The following PTGER3 variants were observed in gnomAD, a reference collection of about 807,000 sequenced individuals.
The protein encoded by PTGER3 is prostaglandin E2 receptor EP3 subtype.
In PTGER3, 22 loss-of-function variants were observed where a neutral mutation model predicts 34.7. That is an observed-to-expected ratio of 0.63 (90% CI 0.45 to 0.91). The LOEUF is 0.91. Ranked by LOEUF, PTGER3 falls within the 40% of genes least tolerant of loss-of-function variation. PTGER3 has a pLI of 0.00. For synonymous variants in PTGER3, 241 were observed against 230.1 expected (o/e 1.05, Z -0.43); for missense variants, 468 against 519.4 (o/e 0.90, Z 0.96).
chr1:70,932,248 A>T (rs183946211), intron 4 of PTGER3, among the ~76,000 whole-genome samples: 2,906 of 152,134 alleles, frequency 0.019, 95 homozygotes, highest in African/African-American at 0.065. Context: ...CACTATCAGC[A>T]TTTTTGTCAA....
chr1:70,973,266 GA>G (rs1653335888), intron 3 of PTGER3, among the ~76,000 whole-genome samples: 6 of 143,612 alleles, frequency 4.2e-5, no homozygotes, highest in African/African-American at 1.0e-4. Context: ...TAGATAGATA[GA>G]TGATAGATAC....
chr1:70,902,658 G>A (rs1035347131), intron 4 of PTGER3, among the ~76,000 whole-genome samples: 1 of 152,192 alleles, frequency 6.6e-6, no homozygotes, highest in Admixed American at 6.5e-5. Context: ...AGAAAGAGAG[G>A]AAAGGCATCA....
At chr1:70,996,669 T>TTATTTATG (rs1655993669) in intron 2 of PTGER3, among the ~76,000 whole-genome samples, 1 of 146,758 alleles carries the variant, frequency 6.8e-6, no homozygotes, top group Non-Finnish European at 1.5e-5. Context: ...ATTTATTTAT[T>TTATTTATG]TATTTATTTA....
At chr1:71,021,542 T>C (rs1658421949) in intron 1 of PTGER3, among the ~76,000 whole-genome samples, 2 of 149,674 alleles carry the variant, frequency 1.3e-5, no homozygotes, top group South Asian at 4.1e-4. Flanking sequence ...CAAACACCTA[T>C]ATTTCAGATG....
At chr1:70,979,204 C>T (rs537637091) in intron 2 of PTGER3, among the ~76,000 whole-genome samples, 1 of 151,622 alleles carries the variant, frequency 6.6e-6, no homozygotes, top group African/African-American at 2.4e-5. Context: ...TCAGCCACAA[C>T]GTGGTTTAAT....
chr1:71,005,027 G>A (rs1656821147), intron 2 of PTGER3, among the ~76,000 whole-genome samples: 1 of 152,198 alleles, frequency 6.6e-6, no homozygotes, highest in South Asian at 2.1e-4. Context: ...CCAACTGAGG[G>A]CAATTATGTC....
chr1:71,034,121 A>C (rs1438513655), intron 1 of PTGER3, among the ~76,000 whole-genome samples: 1 of 152,102 alleles, frequency 6.6e-6, no homozygotes, highest in African/African-American at 2.4e-5. Flanking sequence ...TGGTGGAGGT[A>C]ATATTAGTTT....
intron 1 of PTGER3, among the ~76,000 whole-genome samples, chr1:71,039,446 A>C (rs924311301): frequency 2.6e-5 from 4 of 151,872 alleles, no homozygotes; most frequent in Non-Finnish European, 5.9e-5. Context: ...GTCAGGAGAT[A>C]GAGACCATAC....
In PTGER3 at chr1:70,990,091, C is replaced by T. The variant is rs866699099; in HGVS notation, c.1078-15703G>A. Among the ~76,000 whole-genome samples, 13 of 151,750 alleles carry T rather than the reference C, an allele frequency of 8.6e-5. 1 individual carries two copies. Among genetic ancestry groups the T allele is most frequent in the African/African-American group, 2.4e-4 (10 of 41,252 alleles). Reference sequence around the variant, plus strand: ...ACATACAGCTGGGTGTGGTGGCTCACGGCTGTAATGCCAGCACTTTGGGAG... The same window carrying T: ...ACATACAGCTGGGTGTGGTGGCTCATGGCTGTAATGCCAGCACTTTGGGAG... On this transcript the variant is annotated intron_variant, in intron 2 of 3. Coordinates refer to ENST00000306666, the MANE Select transcript of PTGER3 (RefSeq NM_198719.2).
At chr1:70,967,546 TAGTC>T (rs540551341), downstream of PTGER3, among the ~76,000 whole-genome samples, 351 of 152,272 alleles carry the variant, frequency 2.3e-3, 3 homozygotes, top group African/African-American at 7.7e-3. Context: ...ATTAATAAAA[TAGTC>T]AGTAAAAGCC....
chr1:70,893,583 C>A (rs979124948), intron 4 of PTGER3, among the ~76,000 whole-genome samples: 6 of 152,178 alleles, frequency 3.9e-5, no homozygotes, highest in African/African-American at 1.4e-4. Flanking sequence ...AAGTTAAATT[C>A]TAGCTTTTAA....
At chr1:70,888,127 G>A (rs151231066) in intron 4 of PTGER3, among the ~76,000 whole-genome samples, 4 of 152,138 alleles carry the variant, frequency 2.6e-5, no homozygotes, top group East Asian at 3.9e-4. Context: ...GAGTTTCCAG[G>A]AGCAGAGAAC....
intron 4 of PTGER3, among the ~76,000 whole-genome samples, chr1:70,906,076 G>A (rs1409661124): frequency 6.6e-6 from 1 of 152,022 alleles, no homozygotes; most frequent in Non-Finnish European, 1.5e-5. Flanking sequence ...CTCTCTCTTT[G>A]CCTGCCACCA....
intron 3 of PTGER3, among the ~76,000 whole-genome samples, chr1:70,973,441 T>C (rs1653352640): frequency 1.3e-5 from 2 of 152,096 alleles, no homozygotes; most frequent in Admixed American, 6.6e-5. Flanking sequence ...ATTCATCTCT[T>C]CCTCTGAAAA....
At chr1:70,980,924 C>T (rs1008740474) in intron 2 of PTGER3, among the ~76,000 whole-genome samples, 1 of 152,122 alleles carries the variant, frequency 6.6e-6, no homozygotes, top group African/African-American at 2.4e-5. Flanking sequence ...AGCCACTGAT[C>T]TATGACTTTG....
intron 1 of PTGER3, among the ~76,000 whole-genome samples, chr1:71,014,928 G>C (rs759220012): frequency 6.6e-6 from 1 of 152,056 alleles, no homozygotes; most frequent in Non-Finnish European, 1.5e-5. Context: ...ATTGTCCATC[G>C]AACAGAAATT....
In PTGER3 at chr1:71,047,336, T is replaced by C; in HGVS notation, c.242A>G (p.Glu81Gly). ...LLVSRSYRRR[E>G]SKRKKSFLLC... ...CAGGAAGGACTTCTTGCGCTTGCTC[T>C]CCCGGCGCCGGTAGCTGCGCGACAC... is the stretch of plus-strand genomic sequence containing the variant. The change falls in exon 1 of 4, where the codon GAG (glutamate) becomes GGG (glycine). Residue 81 changes from glutamate to glycine, a missense_variant. Around this residue, in one of 5 missense-constraint regions of PTGER3, gnomAD observed 151 missense variants for 133.5 expected, o/e 1.13. Coordinates refer to ENST00000306666, the MANE Select transcript of PTGER3 (RefSeq NM_198719.2). The C allele has an allele frequency of 2.5e-6, 4 of 1,607,658 alleles. No individual in the cohort carries two copies. The highest frequency in any genetic ancestry group is 3.4e-6 in the Non-Finnish European group (4 of 1,177,784).
chr1:71,012,509 T>C, intron 1 of PTGER3, 25 bp from the exon 2 acceptor site: 1 of 1,596,020 alleles, frequency 6.3e-7, no homozygotes, highest in Non-Finnish European at 8.5e-7. Context: ...CAAATAATTG[T>C]TTCAAAGATT....
intron 4 of PTGER3, among the ~76,000 whole-genome samples, chr1:70,895,736 A>T (rs988469446): frequency 4.6e-5 from 7 of 152,250 alleles, no homozygotes; most frequent in African/African-American, 1.4e-4. Context: ...TTTTAGGTAC[A>T]GAAGTGTGAT....
Sources: gnomAD v4.1 joint callset for allele counts (sites outside exome capture counted in the v4.1 genomes callset) on GRCh38, gnomAD v4.1.1 for gene constraint, gnomAD v4.1.1 regional missense constraint, MANE v1.5 for transcripts, NCBI Gene and HGNC (gene_info 2026-07-23, HGNC 2026-07-21) for gene names.